ACTR10: variants seen among roughly 807,000 people sequenced by gnomAD.
The protein encoded by ACTR10 is actin-related protein 10.
Under a neutral mutation model 56.2 loss-of-function variants are expected in ACTR10, and 43 were observed. The ratio of observed to expected loss-of-function variants is 0.77; its 90% CI spans 0.60 to 0.99. The LOEUF (loss-of-function observed/expected upper bound fraction) is 0.99, where lower values mean the gene tolerates loss of function less well. Among genes scored for constraint, ACTR10 ranks in the 50% least tolerant of loss-of-function variants. ACTR10 has a pLI of 0.00. For synonymous variants in ACTR10, 170 were observed against 176.3 expected (o/e 0.96, Z 0.28); for missense variants, 466 against 507.8 (o/e 0.92, Z 0.79).
At chr14:58,211,101 T>A (rs535200608) in intron 4 of ACTR10, 191 bp from the exon 5 acceptor site, 2 of 478,902 alleles carry the variant, frequency 4.2e-6, no homozygotes, top group Non-Finnish European at 7.5e-6. Context: ...TGTATTTTGG[T>A]TATTGAGTGA....
At chr14:58,224,328 T>TAA (rs950018807) in intron 10 of ACTR10, among the ~76,000 whole-genome samples, 1 of 149,910 alleles carries the variant, frequency 6.7e-6, no homozygotes, top group Non-Finnish European at 1.5e-5. Flanking sequence ...TTTTTAAAAA[T>TAA]AAAAAAAAAA....
intron 1 of ACTR10, 39 bp from the exon 2 acceptor site, chr14:58,202,816 G>T (rs1223639064): frequency 1.4e-6 from 2 of 1,379,576 alleles, no homozygotes; most frequent in Non-Finnish European, 2.0e-6. Context: ...ATATTTAAAA[G>T]AATACTATAA....
intron 8 of ACTR10, among the ~76,000 whole-genome samples, chr14:58,222,237 C>T (rs1594811326): frequency 6.6e-6 from 1 of 152,186 alleles, no homozygotes; most frequent in Admixed American, 6.5e-5. Flanking sequence ...CATTTAACAT[C>T]AATTTTGTCT....
chr14:58,232,291 T>C (rs759368962), intron 12 of ACTR10, 24 bp downstream of exon 12: 3 of 1,576,660 alleles, frequency 1.9e-6, no homozygotes, highest in South Asian at 1.1e-5. Context: ...TTTTAAAATA[T>C]AATGATTATA....
chr14:58,201,911 G>A (rs2140039329), intron 1 of ACTR10, among the ~76,000 whole-genome samples: 1 of 151,582 alleles, frequency 6.6e-6, no homozygotes. Flanking sequence ...GCCAAGGGGG[G>A]AGGATCGCTT....
At chr14:58,229,951 A>G (rs1889491504) in intron 10 of ACTR10, among the ~76,000 whole-genome samples, 1 of 152,184 alleles carries the variant, frequency 6.6e-6, no homozygotes, top group African/African-American at 2.4e-5. Context: ...TTAAGCAACT[A>G]GTGATCCTTG....
In ACTR10 at chr14:58,206,474, C is replaced by T. The variant is rs147561910; in HGVS notation, c.151-1462C>T. Among the ~76,000 whole-genome samples, 409 of 152,230 alleles carry T rather than the reference C, an allele frequency of 2.7e-3. 10 individuals carry two copies. In the East Asian group the frequency reaches 0.061, roughly 23 times the overall value. On this transcript the variant is annotated intron_variant, in intron 2 of 12. Transcript: ENST00000254286. ...TTGGGATTACAGGCATGAGCCACTG[C>T]GCCCGAACGAGTTTTTATCTTCATT...
At chr14:58,224,007 C>CTTT in intron 10 of ACTR10, 151 bp downstream of exon 10, 1 of 565,170 alleles carries the variant, frequency 1.8e-6, no homozygotes, top group Non-Finnish European at 2.9e-6. Context: ...TTTTATTCAG[C>CTTT]TTTTTTTTTT....
intron 5 of ACTR10, among the ~76,000 whole-genome samples, chr14:58,212,839 T>A (rs1449599291): frequency 6.6e-6 from 1 of 152,186 alleles, no homozygotes; most frequent in African/African-American, 2.4e-5. Flanking sequence ...TGTTCTAGGC[T>A]GGGTGCCGTG....
Position 58,215,315 on chromosome 14 carries a change from T to A in ACTR10, c.598+31T>A, listed in dbSNP as rs202029129. 15 of 1,390,488 alleles carry A rather than the reference T, an allele frequency of 1.1e-5. No homozygotes were observed. In the East Asian group the frequency reaches 3.4e-4, roughly 32 times the overall value. The allele number at this position is 1,390,488 out of a possible 1,614,324, so 86.1% of individuals were successfully genotyped here. A position where few individuals can be genotyped will look rare whatever the true frequency, so the allele number is the denominator to read the frequency against. Reference sequence around the variant, plus strand: ...TTCATTTTAAGTGGTTTAGGAGTGGTTTACACTCTCTTTTTGTTCTTCAAC... The same window carrying A: ...TTCATTTTAAGTGGTTTAGGAGTGGATTACACTCTCTTTTTGTTCTTCAAC... On this transcript the variant is annotated intron_variant, in intron 7 of 12. Transcript: ENST00000254286.
intron 1 of ACTR10, among the ~76,000 whole-genome samples, chr14:58,200,629 T>C (rs1220801404): frequency 2.0e-5 from 3 of 152,182 alleles, no homozygotes; most frequent in Non-Finnish European, 4.4e-5. Flanking sequence ...CCTGGGCTCC[T>C]CAGTTGAGGA....
intron 6 of ACTR10, among the ~76,000 whole-genome samples, chr14:58,214,055 CA>C (rs1307946706): frequency 6.6e-6 from 1 of 152,116 alleles, no homozygotes; most frequent in Non-Finnish European, 1.5e-5. Flanking sequence ...TTAAAATGTA[CA>C]ATTAAGTTAT....
chr14:58,231,741 C>T (rs1889539955), intron 11 of ACTR10, among the ~76,000 whole-genome samples: 1 of 152,164 alleles, frequency 6.6e-6, no homozygotes, highest in Non-Finnish European at 1.5e-5. Flanking sequence ...ATGCTCTTTG[C>T]CCTACTTAAT....
intron 4 of ACTR10, among the ~76,000 whole-genome samples, chr14:58,210,702 T>C (rs1329154330): frequency 6.8e-6 from 1 of 146,548 alleles, no homozygotes; most frequent in Non-Finnish European, 1.5e-5. Context: ...TGAGACAGAG[T>C]CTTGCTTTAT....
intron 2 of ACTR10, among the ~76,000 whole-genome samples, chr14:58,205,221 CA>C (rs1462283915): frequency 7.1e-6 from 1 of 140,554 alleles, no homozygotes. Flanking sequence ...AACTCCATCT[CA>C]AAAAAAACAA....
Position 58,234,649 on chromosome 14 carries a change from T to A in ACTR10, c.*98T>A. On this transcript the variant is annotated 3_prime_UTR_variant, in exon 13 of 13. Transcript: ENST00000254286. ...TAGGATGTTTTGTTATAGAGGACTA[T>A]AGTGGAAGTGAAAGCATTCTGTGTT... The A allele has an allele frequency of 8.7e-7, 1 of 1,145,268 alleles. No individual in the cohort carries two copies. The highest frequency in any genetic ancestry group is 1.2e-6 in the Non-Finnish European group (1 of 827,714). The allele number at this position is 1,145,268 out of a possible 1,614,324, so 70.9% of individuals were successfully genotyped here.
At chr14:58,219,148 A>G (rs1889208301) in intron 7 of ACTR10, among the ~76,000 whole-genome samples, 2 of 152,132 alleles carry the variant, frequency 1.3e-5, no homozygotes. Context: ...AGTTTCGAAG[A>G]CTTTAAGTTA....
chr14:58,200,367 G>A (rs961436114), intron 1 of ACTR10, 73 bp downstream of exon 1: 12 of 1,291,716 alleles, frequency 9.3e-6, no homozygotes, highest in Non-Finnish European at 1.2e-5. Context: ...CACTGCCTGG[G>A]TCCTCATCGC....
intron 10 of ACTR10, among the ~76,000 whole-genome samples, chr14:58,227,281 A>G (rs2140061518): frequency 6.6e-6 from 1 of 151,918 alleles, no homozygotes; most frequent in East Asian, 1.9e-4. Context: ...TTGTAATCCC[A>G]GCATTTTGGT....
Sources: gnomAD v4.1 joint callset for allele counts (sites outside exome capture counted in the v4.1 genomes callset) on GRCh38, gnomAD v4.1.1 for gene constraint, MANE v1.5 for transcripts, NCBI Gene and HGNC (gene_info 2026-07-23, HGNC 2026-07-21) for gene names.